The following PFDN2 variants were observed in gnomAD, a reference collection of about 807,000 sequenced individuals.
PFDN2 encodes the protein prefoldin 2.
PFDN2 carries 7 observed loss-of-function variants against 18.3 expected under a neutral mutation model. That is an observed-to-expected ratio of 0.38 (90% confidence interval 0.22 to 0.72). The LOEUF is 0.72. Ranked by LOEUF, PFDN2 falls within the 30% of genes least tolerant of loss-of-function variation. The probability of loss-of-function intolerance (pLI) is 0.47; values close to 1 mark genes in which losing one functional copy is unlikely to be tolerated. For synonymous variants in PFDN2, 76 were observed against 75.0 expected (o/e 1.01, Z -0.07); for missense variants, 181 against 199.1 (o/e 0.91, Z 0.55).
intron 1 of PFDN2, among the ~76,000 whole-genome samples, chr1:161,117,623 C>T (rs1190458432): frequency 6.6e-6 from 1 of 152,154 alleles, no homozygotes; most frequent in African/African-American, 2.4e-5. Flanking sequence ...AGCTGTCTTG[C>T]CCAGCCATAA....
chr1:161,108,977 A>C (rs1482516519), intron 1 of PFDN2, among the ~76,000 whole-genome samples: 1 of 152,078 alleles, frequency 6.6e-6, no homozygotes, highest in African/African-American at 2.4e-5. Context: ...TCTACTCCCC[A>C]CACTGCAGCA....
At chr1:161,110,908 C>A (rs1005524138) in intron 1 of PFDN2, among the ~76,000 whole-genome samples, 1 of 133,818 alleles carries the variant, frequency 7.5e-6, no homozygotes, top group Non-Finnish European at 1.5e-5. Context: ...GGCATGATAT[C>A]GGCTCACTGC....
chr1:161,101,758 C>T (rs1182492539), intron 3 of PFDN2, among the ~76,000 whole-genome samples: 1 of 151,816 alleles, frequency 6.6e-6, no homozygotes, highest in East Asian at 2.0e-4. Flanking sequence ...TTTTATGCTG[C>T]CCTCCTTTTA....
intron 1 of PFDN2, among the ~76,000 whole-genome samples, chr1:161,108,667 G>A (rs1003003947): frequency 6.6e-6 from 1 of 152,066 alleles, no homozygotes; most frequent in Non-Finnish European, 1.5e-5. Flanking sequence ...TAAGATCAAT[G>A]AGTCAAAAAG....
intron 1 of PFDN2, among the ~76,000 whole-genome samples, chr1:161,102,827 G>A (rs567558227): frequency 1.2e-4 from 18 of 152,108 alleles, no homozygotes; most frequent in African/African-American, 4.1e-4. Context: ...GTATGGTGGT[G>A]TGCGCCTGTA....
intron 1 of PFDN2, among the ~76,000 whole-genome samples, chr1:161,103,692 A>C (rs1469919407): frequency 4.8e-5 from 4 of 83,078 alleles, no homozygotes; most frequent in Non-Finnish European, 1.2e-4. Flanking sequence ...TCAAAAAAAA[A>C]AAAAAAAAAA....
At chr1:161,102,656 A>C (rs1280966084) in intron 1 of PFDN2, among the ~76,000 whole-genome samples, 1 of 152,124 alleles carries the variant, frequency 6.6e-6, no homozygotes, top group Non-Finnish European at 1.5e-5. Flanking sequence ...GGTGGGAAAT[A>C]GGCATTTAAT....
chr1:161,113,016 G>A (rs1282244453), intron 1 of PFDN2, among the ~76,000 whole-genome samples: 1 of 151,962 alleles, frequency 6.6e-6, no homozygotes, highest in African/African-American at 2.4e-5. Flanking sequence ...AGTTATCTCT[G>A]GATAGTTGGA....
chr1:161,108,452 C>T (rs2101703523), intron 1 of PFDN2, among the ~76,000 whole-genome samples: 1 of 104,368 alleles, frequency 9.6e-6, no homozygotes, highest in South Asian at 3.9e-4. Flanking sequence ...ACCGAAACTC[C>T]GTCTCAAAAA....
At chr1:161,101,548 C>CA (rs1437199835) in intron 3 of PFDN2, among the ~76,000 whole-genome samples, 1 of 152,122 alleles carries the variant, frequency 6.6e-6, no homozygotes, top group Non-Finnish European at 1.5e-5. Context: ...GGTTCTAATC[C>CA]AGTGGGTCTG....
At chr1:161,104,344 C>T (rs899700021) in intron 1 of PFDN2, among the ~76,000 whole-genome samples, 1 of 152,078 alleles carries the variant, frequency 6.6e-6, no homozygotes, top group Admixed American at 6.5e-5. Context: ...AGTGTATTTG[C>T]AAATATCATC....
intron 1 of PFDN2, among the ~76,000 whole-genome samples, chr1:161,116,132 C>T (rs1319272120): frequency 6.6e-6 from 1 of 152,162 alleles, no homozygotes; most frequent in East Asian, 1.9e-4. Context: ...GAGGCTGAGT[C>T]AGGAGGATGG....
At chr1:161,102,900 G>A (rs1654600458) in intron 1 of PFDN2, among the ~76,000 whole-genome samples, 1 of 151,478 alleles carries the variant, frequency 6.6e-6, no homozygotes, top group African/African-American at 2.4e-5. Context: ...AGAGGTTGCA[G>A]TGAGCCAAGA....
At chr1:161,116,600 C>T (rs1460755717) in intron 1 of PFDN2, among the ~76,000 whole-genome samples, 1 of 152,194 alleles carries the variant, frequency 6.6e-6, no homozygotes, top group East Asian at 1.9e-4. Flanking sequence ...TTATACTTCT[C>T]TTAGGACACT....
chr1:161,115,477 C>T (rs1235026262), intron 1 of PFDN2, among the ~76,000 whole-genome samples: 1 of 152,242 alleles, frequency 6.6e-6, no homozygotes, highest in African/African-American at 2.4e-5. Flanking sequence ...GCTGTATATG[C>T]TACCTGCCCT....
chr1:161,117,429 T>C (rs571814225), intron 1 of PFDN2, among the ~76,000 whole-genome samples: 1 of 152,324 alleles, frequency 6.6e-6, no homozygotes, highest in Admixed American at 6.5e-5. Context: ...AAGGGGTTTC[T>C]GGTCTCTAAA....
intron 1 of PFDN2, among the ~76,000 whole-genome samples, chr1:161,113,244 T>G (rs1654844658): frequency 1.3e-5 from 2 of 152,210 alleles, no homozygotes; most frequent in Admixed American, 1.3e-4. Context: ...TCATATTCCC[T>G]ACTTTCTATT....
At chr1:161,108,398 C>T (rs947867408) in intron 1 of PFDN2, among the ~76,000 whole-genome samples, 6 of 149,506 alleles carry the variant, frequency 4.0e-5, no homozygotes, top group African/African-American at 7.4e-5. Context: ...ACAGAGGTTG[C>T]GGTGAGCCAA....
chr1:161,117,895 T>A, intron 1 of PFDN2, 57 bp downstream of exon 1: 1 of 1,438,060 alleles, frequency 7.0e-7, no homozygotes, highest in Non-Finnish European at 9.6e-7. Context: ...GGCTCCCCCT[T>A]CTCGCTAGTA....
Sources: allele counts gnomAD v4.1 joint callset (sites outside exome capture counted in the v4.1 genomes callset), GRCh38; gene constraint gnomAD v4.1.1; transcripts MANE v1.5; gene names NCBI Gene and HGNC (gene_info 2026-07-23, HGNC 2026-07-21).